The following TMEM132D variants were observed in gnomAD, a reference collection of about 807,000 sequenced individuals.
TMEM132D encodes mature OL transmembrane protein.
In TMEM132D, 21 loss-of-function variants were observed where a neutral mutation model predicts 62.3. That is an observed-to-expected ratio of 0.34 (90% CI 0.24 to 0.49). The LOEUF (loss-of-function observed/expected upper bound fraction) is 0.49. Among genes scored for constraint, TMEM132D ranks in the 20% least tolerant of loss-of-function variants. The probability of loss-of-function intolerance (pLI) is 0.99; values close to 1 mark genes in which losing one functional copy is unlikely to be tolerated. For synonymous variants in TMEM132D, 621 were observed against 575.6 expected, an observed-to-expected ratio of 1.08 and a Z score of -1.13; for missense variants, 1,346 against 1,402.8, an observed-to-expected ratio of 0.96 and a Z score of 0.65.
At chr12:129,390,087 T>C (rs1871252699) in intron 3 of TMEM132D, among the ~76,000 whole-genome samples, 1 of 152,338 alleles carries the variant, frequency 6.6e-6, no homozygotes, top group Admixed American at 6.5e-5. Context: ...ACAGGGATTG[T>C]CGCTGTTGTG....
At chr12:129,783,380 A>G (rs1871173360) in intron 1 of TMEM132D, among the ~76,000 whole-genome samples, 1 of 152,202 alleles carries the variant, frequency 6.6e-6, no homozygotes, top group South Asian at 2.1e-4. Context: ...GGTTATAAAT[A>G]TCATCTTAAT....
chr12:129,585,938 T>C (rs1356276534), intron 2 of TMEM132D, among the ~76,000 whole-genome samples: 2 of 151,712 alleles, frequency 1.3e-5, no homozygotes, highest in Non-Finnish European at 2.9e-5. Flanking sequence ...AAAAACATAA[T>C]AGAGAAAGAT....
chr12:129,287,879 C>A (rs1233910597), intron 4 of TMEM132D, among the ~76,000 whole-genome samples: 3 of 152,162 alleles, frequency 2.0e-5, no homozygotes, highest in Non-Finnish European at 4.4e-5. Context: ...TATTTCTGGG[C>A]TCTTTGTTCT....
intron 1 of TMEM132D, among the ~76,000 whole-genome samples, chr12:129,807,611 G>T (rs1872034737): frequency 6.6e-6 from 1 of 152,114 alleles, no homozygotes; most frequent in South Asian, 2.1e-4. Flanking sequence ...GTGTATTTTT[G>T]CAAAGTTAAG....
intron 4 of TMEM132D, among the ~76,000 whole-genome samples, chr12:129,290,796 GA>G (rs1881428788): frequency 6.6e-6 from 1 of 152,146 alleles, no homozygotes; most frequent in South Asian, 2.1e-4. Context: ...GACCTCAACT[GA>G]ATGATCTGTA....
At chr12:129,236,530 A>G (rs1020067975) in intron 4 of TMEM132D, among the ~76,000 whole-genome samples, 3 of 148,078 alleles carry the variant, frequency 2.0e-5, no homozygotes, top group Non-Finnish European at 4.4e-5. Flanking sequence ...AAAAAAAAAA[A>G]AGAAAAAAAA....
intron 1 of TMEM132D, among the ~76,000 whole-genome samples, chr12:129,782,837 G>A (rs1278199454): frequency 4.6e-5 from 7 of 152,202 alleles, no homozygotes; most frequent in Middle Eastern, 3.2e-3. Flanking sequence ...TCAGTCCCAC[G>A]GCCTCCCCTC....
At chr12:129,717,411 CCTT>C (rs1868629195) in intron 1 of TMEM132D, among the ~76,000 whole-genome samples, 1 of 151,460 alleles carries the variant, frequency 6.6e-6, no homozygotes, top group Non-Finnish European at 1.5e-5. Flanking sequence ...ACTTCATTTG[CCTT>C]TTTTTGGGTA....
intron 5 of TMEM132D, among the ~76,000 whole-genome samples, chr12:129,087,430 G>C (rs911520733): frequency 5.3e-5 from 8 of 150,900 alleles, no homozygotes; most frequent in African/African-American, 1.7e-4. Context: ...TTAAATTAAG[G>C]GTCTTGAGAT....
intron 3 of TMEM132D, among the ~76,000 whole-genome samples, chr12:129,408,205 T>G (rs1521056): frequency 0.13 from 19,921 of 152,236 alleles, 1,790 homozygotes; most frequent in East Asian, 0.38. Flanking sequence ...AAGCATGTAG[T>G]TTTATAATTT....
intron 2 of TMEM132D, among the ~76,000 whole-genome samples, chr12:129,671,735 G>A (rs1248742064): frequency 1.3e-5 from 2 of 152,102 alleles, no homozygotes; most frequent in Admixed American, 1.3e-4. Flanking sequence ...CCAGCCTATG[G>A]CCCAAGAGAA....
At chr12:129,364,928 T>C (rs535056550) in intron 3 of TMEM132D, among the ~76,000 whole-genome samples, 1 of 152,304 alleles carries the variant, frequency 6.6e-6, no homozygotes, top group East Asian at 1.9e-4. Context: ...CAGATGGGAG[T>C]TGAGAAAACC....
chr12:129,240,237 T>G (rs181003353), intron 4 of TMEM132D, among the ~76,000 whole-genome samples: 2 of 152,302 alleles, frequency 1.3e-5, no homozygotes, highest in Non-Finnish European at 2.9e-5. Context: ...ATTATTTGCT[T>G]TATGTATAAA....
chr12:129,254,694 T>C (rs577956483), intron 4 of TMEM132D, among the ~76,000 whole-genome samples: 166 of 152,318 alleles, frequency 1.1e-3, no homozygotes, highest in Middle Eastern at 0.01. Context: ...GGGTCTCTAC[T>C]GACCACATCC....
At chr12:129,412,759 A>G (rs889782053) in intron 3 of TMEM132D, among the ~76,000 whole-genome samples, 1 of 152,200 alleles carries the variant, frequency 6.6e-6, no homozygotes, top group Non-Finnish European at 1.5e-5. Flanking sequence ...AGGCTGAGGC[A>G]GGAGAATCAC....
At chr12:129,140,168 T>A (rs951140946) in intron 5 of TMEM132D, among the ~76,000 whole-genome samples, 1 of 151,960 alleles carries the variant, frequency 6.6e-6, no homozygotes, top group African/African-American at 2.4e-5. Context: ...CGCAGTCAAT[T>A]GTATGGTGTA....
intron 4 of TMEM132D, among the ~76,000 whole-genome samples, chr12:129,321,795 G>A (rs1868719989): frequency 6.6e-6 from 1 of 152,222 alleles, no homozygotes; most frequent in East Asian, 1.9e-4. Flanking sequence ...TCCTGACCTC[G>A]TGATCCACCC....
At chr12:129,466,948 C>T (rs578004573) in intron 3 of TMEM132D, among the ~76,000 whole-genome samples, 1 of 152,136 alleles carries the variant, frequency 6.6e-6, no homozygotes, top group African/African-American at 2.4e-5. Flanking sequence ...CTCTGCACTG[C>T]TGTAATTATT....
At chr12:129,445,132 A>G (rs1873059158) in intron 3 of TMEM132D, among the ~76,000 whole-genome samples, 2 of 152,204 alleles carry the variant, frequency 1.3e-5, no homozygotes, top group Non-Finnish European at 1.5e-5. Context: ...TATAAACACC[A>G]TGAAAGAACA....
Sources: allele counts gnomAD v4.1 joint callset (sites outside exome capture counted in the v4.1 genomes callset), GRCh38; gene constraint gnomAD v4.1.1; transcripts MANE v1.5; gene names NCBI Gene and HGNC (gene_info 2026-07-23, HGNC 2026-07-21).